Variants in ZC3H3 observed in about 807,000 individuals in gnomAD.
ZC3H3 encodes the protein zinc finger CCCH-type containing 3, also known as zinc finger CCCH domain-containing protein 3.
A neutral mutation model predicts 77.3 loss-of-function variants in ZC3H3; 36 were observed. The ratio of observed to expected loss-of-function variants is 0.47; its 90% confidence interval spans 0.36 to 0.61. The LOEUF (loss-of-function observed/expected upper bound fraction) is 0.61, where lower values mean the gene tolerates loss of function less well. Among genes scored for constraint, ZC3H3 ranks in the 20% least tolerant of loss-of-function variants. ZC3H3 has a pLI of 0.00. For synonymous variants in ZC3H3, 626 were observed against 555.2 expected (o/e 1.13, Z -1.79); for missense variants, 1,331 against 1,312.2 (o/e 1.01, Z -0.22).
chr8:143,440,609 C>T (rs1426764064), intron 10 of ZC3H3, among the ~76,000 whole-genome samples: 1 of 152,164 alleles, frequency 6.6e-6, no homozygotes, highest in Non-Finnish European at 1.5e-5. Flanking sequence ...CATGGGGCTC[C>T]ACACCCACAT....
chr8:143,462,987 C>CTTT lies in ZC3H3; in HGVS notation c.2307+2727_2307+2729dup, dbSNP rs35560132. On this transcript the variant is annotated intron_variant, in intron 9 of 11. Coordinates refer to ENST00000262577, the MANE Select transcript of ZC3H3 (RefSeq NM_015117.3). The surrounding 1 kb of genome is among the most constrained non-coding windows in gnomAD (Gnocchi z 4.7). ...GGAGCAGCGCCCAGACCCTGAGTCTCTTTTTTTTTTTTTGAGACAGAGTCT... is the reference window on the plus strand; with the variant it reads ...GGAGCAGCGCCCAGACCCTGAGTCTCTTTTTTTTTTTTTTTTGAGACAGAGTCT... 7.0e-6 allele frequency among the ~76,000 whole-genome samples: 1 copy of CTTT among 143,620 alleles called. No homozygotes were observed. The highest frequency in any genetic ancestry group is 1.5e-5 in the Non-Finnish European group (1 of 65,618). The allele number at this position is 143,620 out of a possible 152,430, so 94.2% of individuals were successfully genotyped here.
At chr8:143,490,227 G>A (rs1466777913) in intron 4 of ZC3H3, among the ~76,000 whole-genome samples, 1 of 152,214 alleles carries the variant, frequency 6.6e-6, no homozygotes, top group Non-Finnish European at 1.5e-5. Flanking sequence ...CCTGGACCCT[G>A]CAGGAGTCTC....
At chr8:143,521,017 C>T (rs528698310) in intron 3 of ZC3H3, among the ~76,000 whole-genome samples, 33 of 152,334 alleles carry the variant, frequency 2.2e-4, no homozygotes, top group African/African-American at 6.7e-4. Context: ...GTAGACGGCC[C>T]GCCCGGCCCA....
At position 143,533,690 on chromosome 8, in the gene ZC3H3, T is replaced by C. The variant is rs2382960; in HGVS notation, c.1561+2567A>G. Among the ~76,000 whole-genome samples the C allele has an allele frequency of 0.018, 2,658 of 150,638 alleles. 76 individuals carry two copies. Among genetic ancestry groups the C allele is most frequent in the African/African-American group, 0.06 (2,486 of 41,164 alleles). Reference sequence around the variant, plus strand: ...CATGCAGCCGCCACGCTGGTCTTTTTTTTTTTTTTTTTTTGAGACAAAATG... The same window carrying C: ...CATGCAGCCGCCACGCTGGTCTTTTCTTTTTTTTTTTTTTGAGACAAAATG... On this transcript the variant is annotated intron_variant, in intron 3 of 11. Coordinates refer to ENST00000262577, the MANE Select transcript of ZC3H3 (RefSeq NM_015117.3). This position sits in a 1 kb window ranked among gnomAD's most constrained non-coding sequence, Gnocchi z 4.0.
intron 4 of ZC3H3, among the ~76,000 whole-genome samples, chr8:143,496,366 A>T (rs1034735457): frequency 1.3e-5 from 2 of 152,218 alleles, no homozygotes; most frequent in African/African-American, 4.8e-5. Flanking sequence ...GCAGAGAAAC[A>T]GCTGACTCCA....
chr8:143,471,179 TC>T (rs1162102922), intron 5 of ZC3H3, among the ~76,000 whole-genome samples: 3 of 152,196 alleles, frequency 2.0e-5, no homozygotes, highest in Non-Finnish European at 4.4e-5. Flanking sequence ...GCCAGCACTC[TC>T]CCAAGAAGTT....
At chr8:143,511,202 G>A (rs992680334) in intron 3 of ZC3H3, among the ~76,000 whole-genome samples, 2 of 152,128 alleles carry the variant, frequency 1.3e-5, no homozygotes, top group Non-Finnish European at 2.9e-5. Context: ...GCCCAATGAC[G>A]CATCATCAGG....
At chr8:143,475,731 C>G (rs1820716055) in intron 4 of ZC3H3, 146 bp from the exon 5 acceptor site, 1 of 956,342 alleles carries the variant, frequency 1.0e-6, no homozygotes, top group Non-Finnish European at 1.5e-6. Flanking sequence ...AGCTGGGTGA[C>G]CACGGGCCAT....
intron 8 of ZC3H3, 108 bp downstream of exon 8, chr8:143,468,101 G>T: frequency 7.4e-7 from 1 of 1,355,138 alleles, no homozygotes; most frequent in Non-Finnish European, 1.0e-6. Context: ...GCAGGGATCT[G>T]CATGTCCCAA....
intron 9 of ZC3H3, among the ~76,000 whole-genome samples, chr8:143,446,822 C>T (rs1819872734): frequency 6.6e-6 from 1 of 152,246 alleles, no homozygotes; most frequent in Non-Finnish European, 1.5e-5. Flanking sequence ...CCACAGGGGG[C>T]CCTCTGGGGC....
At position 143,439,254 on chromosome 8, in the gene ZC3H3, T is replaced by C. The variant is rs142623582; in HGVS notation, c.2815+787A>G. ...CTCCACGCCCCTGACGTGGAGGCTG[T>C]GAACAGGAGGCGGCCCCTCCGAGGC... is the stretch of plus-strand genomic sequence containing the variant. On this transcript the variant is annotated intron_variant, in intron 11 of 11. Transcript: ENST00000262577. 8.9e-3 allele frequency among the ~76,000 whole-genome samples: 1,350 copies of C among 152,082 alleles called. 17 individuals are homozygous for C. The highest frequency in any genetic ancestry group is 0.028 in the African/African-American group (1,151 of 41,460).
intron 9 of ZC3H3, among the ~76,000 whole-genome samples, chr8:143,451,436 A>C (rs1288906264): frequency 2.0e-5 from 3 of 152,164 alleles, no homozygotes; most frequent in African/African-American, 7.2e-5. Context: ...TGTTGTAGAC[A>C]CACCGACATG....
intron 4 of ZC3H3, among the ~76,000 whole-genome samples, chr8:143,475,900 G>A (rs913114833): frequency 3.9e-5 from 6 of 152,308 alleles, no homozygotes; most frequent in East Asian, 1.9e-4. Context: ...TAGAAGCCAC[G>A]GTGAGAGGGC....
intron 8 of ZC3H3, 25 bp downstream of exon 8, chr8:143,468,184 G>A: frequency 3.1e-6 from 5 of 1,602,638 alleles, no homozygotes; most frequent in Non-Finnish European, 4.3e-6. Context: ...GTGCACGGGA[G>A]CAGGGCCACC....
chr8:143,497,415 T>C (rs1316495232), intron 4 of ZC3H3, among the ~76,000 whole-genome samples: 1 of 152,032 alleles, frequency 6.6e-6, no homozygotes, highest in Admixed American at 6.5e-5. Context: ...AGCAGGAAGC[T>C]GCCCCCGAAG....
At chr8:143,445,915 G>T (rs543818294) in intron 9 of ZC3H3, among the ~76,000 whole-genome samples, 8 of 152,234 alleles carry the variant, frequency 5.3e-5, no homozygotes, top group African/African-American at 1.9e-4. Flanking sequence ...AAGAATAGCT[G>T]AAATTCGTTC....
At position 143,504,377 on chromosome 8, in the gene ZC3H3, T is replaced by C. The variant is rs528844582; in HGVS notation, c.1715+3369A>G. ...GGACAGGGTCAGAGAGAGGACAAGG[T>C]GAGGGCTGTTGTCAGCAGCAGAGCT... On this transcript the variant is annotated intron_variant, in intron 4 of 11. Transcript: ENST00000262577. Among the ~76,000 whole-genome samples, 9 of 152,132 alleles carry C rather than the reference T, an allele frequency of 5.9e-5. No homozygotes were observed. The South Asian group carries it at 1.9e-3, about 32-fold the overall frequency.
intron 3 of ZC3H3, among the ~76,000 whole-genome samples, chr8:143,528,534 A>G (rs551233073): frequency 6.6e-6 from 1 of 152,358 alleles, no homozygotes; most frequent in Admixed American, 6.5e-5. Context: ...AGGATGGCAC[A>G]GAAACCAGCC....
chr8:143,468,092 C>T (rs1262087018), intron 8 of ZC3H3, 117 bp downstream of exon 8: 4 of 1,263,872 alleles, frequency 3.2e-6, no homozygotes, highest in Non-Finnish European at 3.3e-6. Context: ...GACGCCAGGG[C>T]AGGGATCTGC....
Sources: gnomAD v4.1 joint callset for allele counts (sites outside exome capture counted in the v4.1 genomes callset) on GRCh38, gnomAD v4.1.1 for gene constraint, Gnocchi (gnomAD v3.1) non-coding constraint, MANE v1.5 for transcripts, NCBI Gene and HGNC (gene_info 2026-07-23, HGNC 2026-07-21) for gene names.